The following DPP10 variants were observed in gnomAD, a reference collection of about 807,000 sequenced individuals.
DPP10 encodes dipeptidyl peptidase like 10, also known as inactive dipeptidyl peptidase 10.
In DPP10, 33 loss-of-function variants were observed where a neutral mutation model predicts 120.9. That is an observed-to-expected ratio of 0.27 (90% CI 0.21 to 0.37). DPP10 has a LOEUF of 0.37. DPP10 is among the 10% of genes least tolerant of loss of function. The pLI is 1.00. For missense variants in DPP10, 816 were observed against 942.8 expected, an observed-to-expected ratio of 0.87 and a Z score of 1.76; for synonymous variants, 337 against 326.1, an observed-to-expected ratio of 1.03 and a Z score of -0.36.
chr2:114,822,198 G>C (rs112036247), intron 1 of DPP10, among the ~76,000 whole-genome samples: 2 of 152,076 alleles, frequency 1.3e-5, no homozygotes, highest in African/African-American at 4.8e-5. Flanking sequence ...AAATCTAGGC[G>C]GAGGTTCCCA....
chr2:115,660,672 T>TTTTTTTTG, intron 5 of DPP10, among the ~76,000 whole-genome samples: 1 of 145,782 alleles, frequency 6.9e-6, no homozygotes, highest in Non-Finnish European at 1.5e-5. Flanking sequence ...TTTTTTTTTT[T>TTTTTTTTG]TTTTTTTGCT....
At chr2:115,625,215 G>T (rs2085265986) in intron 5 of DPP10, among the ~76,000 whole-genome samples, 1 of 151,938 alleles carries the variant, frequency 6.6e-6, no homozygotes, top group Non-Finnish European at 1.5e-5. Context: ...AATTTTTTTT[G>T]AAGAAATGTG....
chr2:115,792,051 A>G (rs976395009), intron 19 of DPP10, among the ~76,000 whole-genome samples: 13 of 152,170 alleles, frequency 8.5e-5, no homozygotes, highest in Non-Finnish European at 1.3e-4. Flanking sequence ...TTCAGATATA[A>G]TATTTAGAAA....
chr2:115,052,678 G>A (rs11887645), intron 1 of DPP10, among the ~76,000 whole-genome samples: 2,778 of 152,286 alleles, frequency 0.018, 83 homozygotes, highest in African/African-American at 0.064. Flanking sequence ...CAGGCCGGGC[G>A]TGGTGGCTCA....
chr2:114,715,017 TA>T (rs1379868506), intron 1 of DPP10, among the ~76,000 whole-genome samples: 3 of 152,136 alleles, frequency 2.0e-5, no homozygotes, highest in Admixed American at 2.0e-4. Context: ...ATGAGTGTAT[TA>T]ATATTATGTC....
At chr2:114,633,306 C>T (rs1378397422) in intron 1 of DPP10, among the ~76,000 whole-genome samples, 2 of 123,178 alleles carry the variant, frequency 1.6e-5, no homozygotes, top group Middle Eastern at 6.4e-3. Context: ...GGCTGGAGTG[C>T]AGTGGCACGA....
chr2:115,689,801 AT>A (rs1389189347), intron 6 of DPP10, 38 bp from the exon 7 acceptor site: 9 of 1,604,580 alleles, frequency 5.6e-6, no homozygotes, highest in Non-Finnish European at 7.7e-6. Flanking sequence ...TGGTGTAGAT[AT>A]CAGTTTGTTC....
chr2:115,383,156 G>T (rs577867544), intron 3 of DPP10, among the ~76,000 whole-genome samples: 1 of 152,306 alleles, frequency 6.6e-6, no homozygotes, highest in East Asian at 1.9e-4. Context: ...GAGTGATGAT[G>T]TGGTTTGGCT....
At chr2:115,656,833 A>G (rs2088399098) in intron 5 of DPP10, among the ~76,000 whole-genome samples, 1 of 151,748 alleles carries the variant, frequency 6.6e-6, no homozygotes. Flanking sequence ...ATCATTCTGT[A>G]TAAAATTTGA....
rs138933942 is a variant in DPP10, at chr2:115,292,923, A to G, written c.61-16316A>G. Among the ~76,000 whole-genome samples the G allele has an allele frequency of 8.3e-4, 126 of 152,224 alleles. 2 individuals carry two copies. The highest frequency in any genetic ancestry group is 2.8e-3 in the African/African-American group (117 of 41,572). ...GACAAGTGAACGCCAAGGTCAGGCTATCACTCAGTGAAGCCAACTGGCTGG... is the reference window on the plus strand; with the variant it reads ...GACAAGTGAACGCCAAGGTCAGGCTGTCACTCAGTGAAGCCAACTGGCTGG... On this transcript the variant is annotated intron_variant, in intron 1 of 25. Transcript: ENST00000410059.
chr2:115,054,474 A>G (rs1705740912), intron 1 of DPP10, among the ~76,000 whole-genome samples: 1 of 152,212 alleles, frequency 6.6e-6, no homozygotes, highest in Admixed American at 6.5e-5. Flanking sequence ...ATATTATTAG[A>G]AAAAAAGTGC....
chr2:115,711,691 T>C (rs2092320696), intron 7 of DPP10, among the ~76,000 whole-genome samples: 1 of 152,154 alleles, frequency 6.6e-6, no homozygotes, highest in South Asian at 2.1e-4. Context: ...GATAAAGGTA[T>C]CAGAAATAAC....
intron 5 of DPP10, among the ~76,000 whole-genome samples, chr2:115,666,725 T>C (rs917698241): frequency 2.6e-5 from 4 of 152,156 alleles, no homozygotes; most frequent in African/African-American, 9.7e-5. Flanking sequence ...ACAGACGTGT[T>C]CCTCTGTCTT....
intron 1 of DPP10, among the ~76,000 whole-genome samples, chr2:115,140,172 A>G (rs369223981): frequency 1.3e-5 from 2 of 152,244 alleles, no homozygotes; most frequent in African/African-American, 4.8e-5. Context: ...GATAGAAAAT[A>G]CAAGGATGCT....
At chr2:114,456,844 C>A (rs1678610392) in intron 1 of DPP10, among the ~76,000 whole-genome samples, 1 of 152,126 alleles carries the variant, frequency 6.6e-6, no homozygotes, top group Non-Finnish European at 1.5e-5. Context: ...ATGAAGCCAG[C>A]ATAAAGTGGG....
intron 1 of DPP10, among the ~76,000 whole-genome samples, chr2:115,115,045 G>A (rs2049425404): frequency 6.6e-6 from 1 of 151,946 alleles, no homozygotes; most frequent in Non-Finnish European, 1.5e-5. Context: ...CATTGCCTAA[G>A]ACGGCACAGG....
At chr2:115,797,469 G>A (rs186704189) in intron 19 of DPP10, among the ~76,000 whole-genome samples, 16 of 152,036 alleles carry the variant, frequency 1.1e-4, no homozygotes, top group African/African-American at 2.7e-4. Context: ...TACATATACC[G>A]TCTGATGTGG....
At chr2:115,650,827 T>A (rs930055497) in intron 5 of DPP10, among the ~76,000 whole-genome samples, 1 of 150,968 alleles carries the variant, frequency 6.6e-6, no homozygotes, top group Admixed American at 6.6e-5. Flanking sequence ...GGAAAAGGAG[T>A]GGGGAGGGAT....
intron 1 of DPP10, among the ~76,000 whole-genome samples, chr2:115,093,457 T>G (rs961690113): frequency 5.8e-4 from 88 of 152,232 alleles, no homozygotes; most frequent in Non-Finnish European, 1.1e-3. Flanking sequence ...AAGAAGAAAT[T>G]TTCTATTTTT....
Sources: allele counts gnomAD v4.1 joint callset (sites outside exome capture counted in the v4.1 genomes callset), GRCh38; gene constraint gnomAD v4.1.1; transcripts MANE v1.5; gene names NCBI Gene and HGNC (gene_info 2026-07-23, HGNC 2026-07-21).